Variants in NALCN observed in about 807,000 individuals in gnomAD.
NALCN encodes sodium leak channel, non-selective.
Under a neutral mutation model 225.3 loss-of-function variants are expected in NALCN, and 111 were observed. That is an observed-to-expected ratio of 0.49 (90% CI 0.42 to 0.58). The LOEUF (loss-of-function observed/expected upper bound fraction) is 0.58. NALCN is among the 20% of genes least tolerant of loss of function. NALCN has a pLI of 0.00. For synonymous variants in NALCN, 764 were observed against 769.0 expected (o/e 0.99, Z 0.11); for missense variants, 1,378 against 2,202.4 (o/e 0.63, Z 7.49).
At chr13:101,345,532 G>T in intron 6 of NALCN, 112 bp from the exon 7 acceptor site, 1 of 1,252,162 alleles carries the variant, frequency 8.0e-7, no homozygotes, top group Non-Finnish European at 1.1e-6. Flanking sequence ...AAGTGAGGTT[G>T]CTCATGCCTG....
chr13:101,063,502 G>A (rs2032126691), intron 40 of NALCN, among the ~76,000 whole-genome samples: 1 of 152,148 alleles, frequency 6.6e-6, no homozygotes, highest in Non-Finnish European at 1.5e-5. Flanking sequence ...AATTATTAAT[G>A]ACAACAGTAT....
At chr13:101,057,460 T>C (rs2031406353) in intron 43 of NALCN, 1 of 187,550 alleles carries the variant, frequency 5.3e-6, no homozygotes, top group African/African-American at 2.4e-5. Flanking sequence ...TTGTTTGTTA[T>C]TGTATGGAGG....
At chr13:101,387,250 A>C (rs1378785494) in intron 3 of NALCN, among the ~76,000 whole-genome samples, 7 of 150,940 alleles carry the variant, frequency 4.6e-5, no homozygotes, top group South Asian at 2.1e-4. Context: ...AAAAAAAAAA[A>C]AAAACAGGTT....
intron 27 of NALCN, among the ~76,000 whole-genome samples, chr13:101,099,689 C>A (rs986311141): frequency 1.3e-5 from 2 of 152,076 alleles, no homozygotes; most frequent in Non-Finnish European, 2.9e-5. Context: ...TTTTCTGGAG[C>A]ACACAACTAA....
chr13:101,236,420 C>T (rs1047148374), intron 12 of NALCN, among the ~76,000 whole-genome samples: 4 of 152,044 alleles, frequency 2.6e-5, no homozygotes, highest in Non-Finnish European at 5.9e-5. Context: ...TGGGTATATA[C>T]CCAAAGGACT....
At position 101,152,148 on chromosome 13, in the gene NALCN, T is replaced by C. The variant is rs114805377; in HGVS notation, c.1840-7252A>G. Among the ~76,000 whole-genome samples the C allele has an allele frequency of 4.2e-3, 635 of 152,298 alleles. 8 individuals are homozygous for C. The highest frequency in any genetic ancestry group is 0.014 in the African/African-American group (597 of 41,572). ...CATCGACTGAAGCCACAGATAGAAA[T>C]TGGAGGGCTCATTTCTTGGTTAGCC... is the stretch of plus-strand genomic sequence containing the variant. On this transcript the variant is annotated intron_variant, in intron 15 of 43. Coordinates refer to ENST00000251127, the MANE Select transcript of NALCN (RefSeq NM_052867.4).
intron 14 of NALCN, 135 bp downstream of exon 14, chr13:101,191,782 G>A (rs1187905442): frequency 2.6e-6 from 2 of 764,672 alleles, no homozygotes; most frequent in Non-Finnish European, 4.0e-6. Context: ...ATGGAAGGAG[G>A]GATCTCATCC....
chr13:101,314,632 A>T (rs1036823790), intron 7 of NALCN, among the ~76,000 whole-genome samples: 30 of 152,174 alleles, frequency 2.0e-4, no homozygotes, highest in African/African-American at 7.0e-4. Context: ...CCCAGGAATC[A>T]CTCAGTTCTC....
At chr13:101,144,942 C>CG in intron 15 of NALCN, 46 bp from the exon 16 acceptor site, 1 of 1,545,122 alleles carries the variant, frequency 6.5e-7, no homozygotes, top group South Asian at 1.2e-5. Context: ...ACCTATAATA[C>CG]TATTATATAC....
chr13:101,208,789 C>T (rs987745763), intron 13 of NALCN, among the ~76,000 whole-genome samples: 2 of 152,154 alleles, frequency 1.3e-5, no homozygotes, highest in East Asian at 3.9e-4. Flanking sequence ...TTTCTGTTCT[C>T]GCCATGTGAA....
chr13:101,299,470 T>C (rs973788465), intron 7 of NALCN, among the ~76,000 whole-genome samples: 2 of 152,192 alleles, frequency 1.3e-5, no homozygotes, highest in Non-Finnish European at 2.9e-5. Context: ...GGGTAAGCTT[T>C]CAGGTTTTTC....
chr13:101,142,293 C>A (rs2037124626), intron 17 of NALCN, among the ~76,000 whole-genome samples: 1 of 151,732 alleles, frequency 6.6e-6, no homozygotes, highest in Admixed American at 6.6e-5. Flanking sequence ...AGGCATCCAC[C>A]ACCACGCCCA....
At chr13:101,281,392 T>A (rs1340657194) in intron 10 of NALCN, among the ~76,000 whole-genome samples, 1 of 152,184 alleles carries the variant, frequency 6.6e-6, no homozygotes, top group Non-Finnish European at 1.5e-5. Flanking sequence ...AGCACATAGT[T>A]GGTACTCAGT....
intron 6 of NALCN, among the ~76,000 whole-genome samples, chr13:101,371,481 G>A (rs1335571946): frequency 6.6e-6 from 1 of 152,130 alleles, no homozygotes; most frequent in African/African-American, 2.4e-5. Context: ...ACTGTACCCA[G>A]CTTGATCAAC....
intron 3 of NALCN, among the ~76,000 whole-genome samples, chr13:101,386,573 A>C (rs1023030614): frequency 6.6e-6 from 1 of 151,932 alleles, no homozygotes; most frequent in Non-Finnish European, 1.5e-5. Flanking sequence ...AAACATTTTC[A>C]TATCTTACAT....
Position 101,124,655 on chromosome 13 carries a change from C to A in NALCN, c.2145G>T (p.Arg715Ser), listed in dbSNP as rs2036146499. The A allele has an allele frequency of 2.5e-6, 4 of 1,613,846 alleles. No individual in the cohort carries two copies. The East Asian group carries it at 8.9e-5, about 36-fold the overall frequency. The part of the protein sequence containing the change: ...QKLRKSVFSI[R>S]ARNLLEKETA... ...TCTCCTTTTCCAGAAGGTTCCTTGC[C>A]CTGATGCTGAAAACAGACTTGCGAA... The change falls in exon 18 of 44, where the codon AGG (arginine) becomes AGT (serine). Residue 715 changes from arginine (R) to serine (S), a missense_variant. By Grantham distance (110) the Arg-to-Ser change is moderately radical. Around this residue, in one of 19 missense-constraint regions of NALCN, gnomAD observed 100 missense variants for 89.4 expected, o/e 1.12. Transcript: ENST00000251127.
At chr13:101,389,486 T>A (rs563664054) in intron 3 of NALCN, among the ~76,000 whole-genome samples, 2 of 152,104 alleles carry the variant, frequency 1.3e-5, no homozygotes, top group Non-Finnish European at 2.9e-5. Flanking sequence ...CACAGCCCCA[T>A]GTTTAGAATG....
intron 18 of NALCN, among the ~76,000 whole-genome samples, chr13:101,123,918 T>G (rs1264011875): frequency 6.6e-6 from 1 of 152,224 alleles, no homozygotes; most frequent in Admixed American, 6.5e-5. Flanking sequence ...GGCATGAATC[T>G]GTCCACTCGC....
chr13:101,144,008 T>G (rs377632317), intron 16 of NALCN, among the ~76,000 whole-genome samples: 1 of 152,216 alleles, frequency 6.6e-6, no homozygotes, highest in Non-Finnish European at 1.5e-5. Flanking sequence ...TGCAAATATA[T>G]TTCTACCCGA....
Sources: gnomAD v4.1 joint callset for allele counts (sites outside exome capture counted in the v4.1 genomes callset) on GRCh38, gnomAD v4.1.1 for gene constraint, gnomAD v4.1.1 regional missense constraint, MANE v1.5 for transcripts, NCBI Gene and HGNC (gene_info 2026-07-23, HGNC 2026-07-21) for gene names.